The following TRPM3 variants were observed in gnomAD, a reference collection of about 807,000 sequenced individuals.
TRPM3 encodes the protein transient receptor potential cation channel subfamily M member 3.
In TRPM3, 77 loss-of-function variants were observed where a neutral mutation model predicts 181.2. The ratio of observed to expected loss-of-function variants is 0.42; its 90% CI spans 0.35 to 0.51. TRPM3 has a LOEUF of 0.51. TRPM3 is among the 20% of genes least tolerant of loss of function. TRPM3 has a pLI of 0.01. For synonymous variants in TRPM3, 745 were observed against 796.4 expected, an observed-to-expected ratio of 0.94 and a Z score of 1.09; for missense variants, 1,759 against 2,196.7, an observed-to-expected ratio of 0.80 and a Z score of 3.98.
At chr9:71,330,148 G>T (rs866299316) in intron 1 of TRPM3, among the ~76,000 whole-genome samples, 3 of 151,748 alleles carry the variant, frequency 2.0e-5, no homozygotes, top group Non-Finnish European at 4.4e-5. Flanking sequence ...TCCTGCAGGC[G>T]GCTCTTGTGT....
intron 8 of TRPM3, among the ~76,000 whole-genome samples, chr9:70,757,527 A>G (rs1052890267): frequency 6.6e-6 from 1 of 152,130 alleles, no homozygotes; most frequent in Non-Finnish European, 1.5e-5. Flanking sequence ...CAGAGACACA[A>G]CAACAAAAAA....
chr9:71,258,791 T>C (rs1256961257), intron 1 of TRPM3, among the ~76,000 whole-genome samples: 1 of 152,206 alleles, frequency 6.6e-6, no homozygotes, highest in Non-Finnish European at 1.5e-5. Flanking sequence ...TTTTCCCTGG[T>C]CTCAGTATCT....
intron 1 of TRPM3, among the ~76,000 whole-genome samples, chr9:71,239,611 C>T (rs1185802938): frequency 6.6e-6 from 1 of 151,972 alleles, no homozygotes; most frequent in African/African-American, 2.4e-5. Context: ...ACAGGGAGTA[C>T]CTTACAGAAA....
chr9:70,634,287 T>C (rs2066467908), intron 12 of TRPM3, among the ~76,000 whole-genome samples: 1 of 152,062 alleles, frequency 6.6e-6, no homozygotes, highest in African/African-American at 2.4e-5. Flanking sequence ...TTTTTGTATT[T>C]TTAGTAGAGA....
chr9:70,939,848 C>T lies in TRPM3; in HGVS notation c.178-75337G>A, dbSNP rs565694766. 9.2e-5 allele frequency among the ~76,000 whole-genome samples: 14 copies of T among 152,264 alleles called. No homozygotes were observed. In the South Asian group the frequency reaches 1.9e-3, roughly 20 times the overall value. Reference sequence around the variant, plus strand: ...ATCCTATTGATAACATAAGATGTTGCTCCTTGAAGTTTGAAGGTGGCATGT... The same window carrying T: ...ATCCTATTGATAACATAAGATGTTGTTCCTTGAAGTTTGAAGGTGGCATGT... On this transcript the variant is annotated intron_variant, in intron 1 of 25. Coordinates refer to ENST00000677713, the MANE Select transcript of TRPM3 (RefSeq NM_001366145.2).
At chr9:70,934,265 T>C (rs2096802688) in intron 1 of TRPM3, among the ~76,000 whole-genome samples, 2 of 152,198 alleles carry the variant, frequency 1.3e-5, no homozygotes, top group Admixed American at 1.3e-4. Context: ...ATTTGGGATG[T>C]TGGTAGGAAG....
At chr9:71,323,018 A>T (rs140369528) in intron 1 of TRPM3, among the ~76,000 whole-genome samples, 184 of 152,244 alleles carry the variant, frequency 1.2e-3, no homozygotes, top group African/African-American at 4.3e-3. Context: ...GTTAAATTTT[A>T]AAAAAGATAA....
intron 1 of TRPM3, among the ~76,000 whole-genome samples, chr9:71,063,734 C>A (rs1418658727): frequency 3.3e-5 from 5 of 152,056 alleles, no homozygotes; most frequent in African/African-American, 7.2e-5. Flanking sequence ...GAAATGTAGA[C>A]TGAGAACACC....
chr9:71,340,689 A>T (rs2090902550), intron 1 of TRPM3, among the ~76,000 whole-genome samples: 1 of 152,134 alleles, frequency 6.6e-6, no homozygotes, highest in Non-Finnish European at 1.5e-5. Context: ...GTGAAAACCG[A>T]CTAATACAGT....
rs193181082 is a variant in TRPM3 at position 70,776,038 on chromosome 9, G to A, written c.1148+8067C>T. On this transcript the variant is annotated intron_variant, in intron 7 of 25. Coordinates refer to ENST00000677713, the MANE Select transcript of TRPM3 (RefSeq NM_001366145.2). ...ATTGACTATAGTCCCCATGATGTAC[G>A]ATACATCTCCTCAACTCGTTCCTCC... 6.9e-4 allele frequency: 113 copies of A among 163,898 alleles called. No homozygotes were observed. The Middle Eastern group carries it at 0.014, about 20-fold the overall frequency. 10.2% of individuals were successfully genotyped at this position (163,898 alleles called of 1,614,324 possible).
At chr9:71,442,099 G>T (rs939889315) in intron 1 of TRPM3, among the ~76,000 whole-genome samples, 1 of 152,182 alleles carries the variant, frequency 6.6e-6, no homozygotes, top group African/African-American at 2.4e-5. Flanking sequence ...GAGTAGCTTT[G>T]GTAACCAGCT....
rs1207897905 is a variant in TRPM3, at chr9:70,533,015, A to C, written c.*2938T>G. The C allele has an allele frequency of 6.6e-6, 1 of 152,226 alleles. No individual in the cohort carries two copies. Among genetic ancestry groups the C allele is most frequent in the African/African-American group, 2.4e-5 (1 of 41,456 alleles). 9.4% of individuals were successfully genotyped at this position (152,226 alleles called of 1,614,324 possible). The stretch of plus-strand genomic sequence containing the variant: ...TGGAAGTTACACAGTTTGTGTCTAC[A>C]GTCATTTAAGTTTGGCTTATATATT... On this transcript the variant is annotated 3_prime_UTR_variant, in exon 26 of 26. Coordinates refer to ENST00000677713, the MANE Select transcript of TRPM3 (RefSeq NM_001366145.2).
intron 1 of TRPM3, among the ~76,000 whole-genome samples, chr9:70,916,374 G>C (rs1041629239): frequency 2.6e-5 from 4 of 152,146 alleles, no homozygotes; most frequent in African/African-American, 9.7e-5. Context: ...ACTATGGTAT[G>C]TAAACTCTTG....
chr9:70,779,534 C>T (rs2082073406), intron 7 of TRPM3, among the ~76,000 whole-genome samples: 1 of 152,134 alleles, frequency 6.6e-6, no homozygotes, highest in Admixed American at 6.6e-5. Context: ...CAACATTTCT[C>T]TGCAGTCTGA....
chr9:71,237,774 G>A (rs570023017), intron 1 of TRPM3, among the ~76,000 whole-genome samples: 18 of 152,294 alleles, frequency 1.2e-4, no homozygotes, highest in Non-Finnish European at 2.6e-4. Context: ...AGTTCTGGAG[G>A]CTGAGATGTC....
intron 22 of TRPM3, among the ~76,000 whole-genome samples, chr9:70,573,443 T>C (rs1313982445): frequency 6.6e-6 from 1 of 152,224 alleles, no homozygotes; most frequent in Non-Finnish European, 1.5e-5. Context: ...TTTTCACCTA[T>C]GTGAATGTCT....
chr9:70,817,897 C>T (rs1271237776), intron 6 of TRPM3, among the ~76,000 whole-genome samples: 1 of 151,752 alleles, frequency 6.6e-6, no homozygotes, highest in Non-Finnish European at 1.5e-5. Context: ...AAAAGCTTCC[C>T]AGGAAACTAC....
intron 8 of TRPM3, among the ~76,000 whole-genome samples, chr9:70,750,660 C>T (rs2075977680): frequency 6.6e-6 from 1 of 152,076 alleles, no homozygotes; most frequent in African/African-American, 2.4e-5. Flanking sequence ...AATAACTTGG[C>T]CACAATTGGC....
intron 1 of TRPM3, among the ~76,000 whole-genome samples, chr9:70,870,955 C>A (rs952366889): frequency 2.0e-5 from 3 of 151,388 alleles, no homozygotes; most frequent in African/African-American, 4.8e-5. Flanking sequence ...TATTTTTTTT[C>A]AACTGTCAAG....
Sources: allele counts gnomAD v4.1 joint callset (sites outside exome capture counted in the v4.1 genomes callset), GRCh38; gene constraint gnomAD v4.1.1; transcripts MANE v1.5; gene names NCBI Gene and HGNC (gene_info 2026-07-23, HGNC 2026-07-21).